SRRM3: variants seen among roughly 807,000 people sequenced by gnomAD.
SRRM3 encodes the protein serine/arginine repetitive matrix protein 3.
SRRM3 carries 27 observed loss-of-function variants against 66.2 expected under a neutral mutation model. The ratio of observed to expected loss-of-function variants is 0.41; its 90% confidence interval spans 0.30 to 0.56. The LOEUF (loss-of-function observed/expected upper bound fraction) is 0.56. Among genes scored for constraint, SRRM3 ranks in the 20% least tolerant of loss-of-function variants. The probability of loss-of-function intolerance (pLI) is 0.32; values close to 1 mark genes in which losing one functional copy is unlikely to be tolerated. For missense variants in SRRM3, 918 were observed against 991.9 expected (o/e 0.93, Z 1.00); for synonymous variants, 391 against 414.9 (o/e 0.94, Z 0.70).
chr7:76,282,615 T>A, intron 12 of SRRM3, 33 bp from the exon 13 acceptor site: 1 of 959,406 alleles, frequency 1.0e-6, no homozygotes, highest in Non-Finnish European at 1.3e-6. Flanking sequence ...TCCGGGTCGC[T>A]GAGCCCTATC....
chr7:76,264,849 C>A (rs782024247), intron 9 of SRRM3, 34 bp downstream of exon 9: 5 of 1,608,350 alleles, frequency 3.1e-6, no homozygotes, highest in Non-Finnish European at 4.3e-6. Context: ...GCCCCCCATT[C>A]GTTCTCCCTC....
chr7:76,240,294 T>C (rs1554605451), intron 2 of SRRM3, among the ~76,000 whole-genome samples: 4 of 152,032 alleles, frequency 2.6e-5, no homozygotes, highest in Admixed American at 6.6e-5. Context: ...GACCAGCCTG[T>C]GTAACATAGC....
chr7:76,218,998 GCACC>G (rs1800645046), intron 1 of SRRM3, among the ~76,000 whole-genome samples: 1 of 152,168 alleles, frequency 6.6e-6, no homozygotes. Flanking sequence ...GGGATTACAG[GCACC>G]AGCCACCATG....
intron 3 of SRRM3, among the ~76,000 whole-genome samples, chr7:76,255,492 A>G (rs1470763437): frequency 1.3e-5 from 2 of 152,050 alleles, no homozygotes; most frequent in African/African-American, 4.8e-5. Context: ...CTCAAGCTGG[A>G]GTGCAGTGGC....
intron 1 of SRRM3, among the ~76,000 whole-genome samples, chr7:76,226,565 GTTATTTATTTATTTAT>G (rs201770924): frequency 2.0e-5 from 3 of 148,210 alleles, no homozygotes; most frequent in Non-Finnish European, 3.0e-5. Context: ...AAGGTCTGGT[GTTATTTATTTATTTAT>G]TTATTTATTT....
At chr7:76,215,793 ATTTTTT>A (rs35624440) in intron 1 of SRRM3, among the ~76,000 whole-genome samples, 1 of 96,834 alleles carries the variant, frequency 1.0e-5, no homozygotes, top group African/African-American at 5.0e-5. Flanking sequence ...CACCTGGCTA[ATTTTTT>A]TTTTTTTTTT....
chr7:76,218,328 G>C (rs141670713), intron 1 of SRRM3, among the ~76,000 whole-genome samples: 2 of 152,304 alleles, frequency 1.3e-5, no homozygotes, highest in Non-Finnish European at 2.9e-5. Context: ...GGGACACAGA[G>C]ACCGCCACCT....
intron 3 of SRRM3, among the ~76,000 whole-genome samples, chr7:76,257,297 G>T (rs1184169145): frequency 6.6e-6 from 1 of 152,024 alleles, no homozygotes; most frequent in Non-Finnish European, 1.5e-5. Flanking sequence ...GCACCCAGAA[G>T]TAAGGGGAGC....
At chr7:76,245,041 T>G (rs1382569404) in intron 2 of SRRM3, among the ~76,000 whole-genome samples, 8 of 152,004 alleles carry the variant, frequency 5.3e-5, no homozygotes, top group South Asian at 2.1e-4. Flanking sequence ...CTGCCAGGAG[T>G]TGGGATGTAT....
chr7:76,252,036 A>AC (rs1410806880), intron 3 of SRRM3, among the ~76,000 whole-genome samples: 1 of 152,224 alleles, frequency 6.6e-6, no homozygotes, highest in Non-Finnish European at 1.5e-5. Context: ...ACGCAACCAC[A>AC]CTACAGCCTT....
intron 11 of SRRM3, among the ~76,000 whole-genome samples, 179 bp from the exon 12 acceptor site, chr7:76,281,262 G>GTC (rs1236512550): frequency 2.8e-5 from 4 of 143,936 alleles, no homozygotes; most frequent in Non-Finnish European, 3.1e-5. Context: ...CTGTCTCTCT[G>GTC]TCTCTCTCTC....
At chr7:76,232,122 G>A (rs1184717183) in intron 1 of SRRM3, among the ~76,000 whole-genome samples, 1 of 152,172 alleles carries the variant, frequency 6.6e-6, no homozygotes. Flanking sequence ...GTTCAGCCCC[G>A]GGCGCATTGA....
At chr7:76,256,672 T>C (rs1297100032) in intron 3 of SRRM3, among the ~76,000 whole-genome samples, 2 of 151,792 alleles carry the variant, frequency 1.3e-5, no homozygotes, top group African/African-American at 4.8e-5. Context: ...CATGTCACTC[T>C]CATCACCATC....
intron 10 of SRRM3, among the ~76,000 whole-genome samples, chr7:76,265,962 G>A (rs1314784351): frequency 3.0e-5 from 2 of 65,850 alleles, no homozygotes; most frequent in Non-Finnish European, 2.2e-5. Context: ...TCCGCCTCCC[G>A]GGTTCACGCT....
intron 3 of SRRM3, among the ~76,000 whole-genome samples, chr7:76,248,792 C>T (rs1234483641): frequency 2.0e-5 from 3 of 151,374 alleles, no homozygotes; most frequent in Non-Finnish European, 4.4e-5. Flanking sequence ...CAGCCTTGGC[C>T]AACACGTCGA....
intron 3 of SRRM3, among the ~76,000 whole-genome samples, chr7:76,253,787 C>CAAAAAA (rs782083114): frequency 1.5e-5 from 1 of 64,784 alleles, no homozygotes; most frequent in Non-Finnish European, 3.2e-5. Context: ...AACTCTGTTT[C>CAAAAAA]AAAAAAAAAA....
At chr7:76,267,097 T>C (rs536465766) in intron 10 of SRRM3, among the ~76,000 whole-genome samples, 161 bp from the exon 11 acceptor site, 4 of 152,094 alleles carry the variant, frequency 2.6e-5, no homozygotes, top group African/African-American at 7.2e-5. Context: ...CTCACCCTGG[T>C]CAAGCCCTCT....
At chr7:76,267,189 G>T in intron 10 of SRRM3, 69 bp from the exon 11 acceptor site, 1 of 1,360,822 alleles carries the variant, frequency 7.3e-7, no homozygotes, top group South Asian at 1.6e-5. Flanking sequence ...GGGGAAAGAG[G>T]AGGCGCAACT....
intron 2 of SRRM3, among the ~76,000 whole-genome samples, chr7:76,244,738 C>A (rs1054828622): frequency 1.3e-5 from 2 of 152,294 alleles, no homozygotes; most frequent in Non-Finnish European, 2.9e-5. Flanking sequence ...ACTGTCTCCT[C>A]CTGAACCCCT....
Sources: gnomAD v4.1 joint callset for allele counts (sites outside exome capture counted in the v4.1 genomes callset) on GRCh38, gnomAD v4.1.1 for gene constraint, MANE v1.5 for transcripts, NCBI Gene and HGNC (gene_info 2026-07-23, HGNC 2026-07-21) for gene names.